The following ATXN1 variants were observed in gnomAD, a reference collection of about 807,000 sequenced individuals.
ATXN1 encodes ataxin-1.
In ATXN1, 8 loss-of-function variants were observed where a neutral mutation model predicts 56.4. The ratio of observed to expected loss-of-function variants is 0.14; its 90% CI spans 0.08 to 0.26. The LOEUF (loss-of-function observed/expected upper bound fraction) is 0.26. Among genes scored for constraint, ATXN1 ranks in the 10% least tolerant of loss-of-function variants. The pLI is 1.00. For synonymous variants in ATXN1, 514 were observed against 494.6 expected, an observed-to-expected ratio of 1.04 and a Z score of -0.52; for missense variants, 987 against 1,106.5, an observed-to-expected ratio of 0.89 and a Z score of 1.53.
intron 5 of ATXN1, among the ~76,000 whole-genome samples, chr6:16,495,355 C>T (rs142421640): frequency 7.9e-5 from 12 of 152,130 alleles, no homozygotes; most frequent in Admixed American, 1.3e-4. Flanking sequence ...AAGTACCAAA[C>T]GGGGAGTGAA....
intron 7 of ATXN1, among the ~76,000 whole-genome samples, chr6:16,324,995 A>C (rs1449038637): frequency 6.6e-6 from 1 of 152,156 alleles, no homozygotes; most frequent in East Asian, 1.9e-4. Flanking sequence ...TTTTATATGC[A>C]AACCAACCAG....
chr6:16,603,366 A>T (rs1436783855), intron 3 of ATXN1, among the ~76,000 whole-genome samples: 1 of 152,170 alleles, frequency 6.6e-6, no homozygotes, highest in Non-Finnish European at 1.5e-5. Flanking sequence ...ATGCAGTACC[A>T]TTCCTCACTG....
rs1404771563 is a variant in ATXN1, at chr6:16,303,495, GA to G, written c.*2833del. ...ACCAAACAAGGAAAAAGCCAAAAGG[GA>G]ATGAGCTTTAACTATATAGCACACT... On this transcript the variant is annotated 3_prime_UTR_variant, in exon 8 of 8. Coordinates refer to ENST00000436367, the MANE Select transcript of ATXN1 (RefSeq NM_001128164.2). The surrounding 1 kb of genome is among the most constrained non-coding windows in gnomAD (Gnocchi z 4.3). 1 of 152,800 alleles carries G rather than the reference GA, an allele frequency of 6.5e-6. No individual in the cohort carries two copies. The highest frequency in any genetic ancestry group is 1.5e-5 in the Non-Finnish European group (1 of 68,146). The allele number at this position is 152,800 out of a possible 1,614,324, so 9.5% of individuals were successfully genotyped here. A position where few individuals can be genotyped will look rare whatever the true frequency, so the allele number is the denominator to read the frequency against.
chr6:16,476,377 G>A (rs749589894), intron 6 of ATXN1, among the ~76,000 whole-genome samples: 9 of 152,194 alleles, frequency 5.9e-5, no homozygotes, highest in Non-Finnish European at 1.2e-4. Context: ...CAAACCCAGA[G>A]AAGAATTTGA....
At chr6:16,488,763 C>CA (rs1760599978) in intron 5 of ATXN1, among the ~76,000 whole-genome samples, 1 of 152,076 alleles carries the variant, frequency 6.6e-6, no homozygotes, top group Non-Finnish European at 1.5e-5. Flanking sequence ...TTAAAATGTC[C>CA]AAGATAAAAT....
intron 6 of ATXN1, among the ~76,000 whole-genome samples, chr6:16,425,119 T>C (rs1390197324): frequency 3.3e-5 from 5 of 152,206 alleles, no homozygotes; most frequent in Non-Finnish European, 7.3e-5. Flanking sequence ...GATCTCTTAG[T>C]TCTTTCATAT....
chr6:16,512,124 G>A (rs918822654), intron 5 of ATXN1, among the ~76,000 whole-genome samples: 10 of 152,314 alleles, frequency 6.6e-5, no homozygotes, highest in Middle Eastern at 3.4e-3. Context: ...TCCATTCAGC[G>A]TCAGGGTGAT....
At chr6:16,679,436 A>G (rs1213147079) in intron 2 of ATXN1, among the ~76,000 whole-genome samples, 14 of 152,094 alleles carry the variant, frequency 9.2e-5, no homozygotes, top group African/African-American at 3.1e-4. Flanking sequence ...GGAAGGAAAA[A>G]AGGGAGAAAG....
rs371849968 is a variant in ATXN1, at chr6:16,606,629, A to G, written c.-488-20722T>C. Among the ~76,000 whole-genome samples, 110 of 151,744 alleles carry G rather than the reference A, an allele frequency of 7.2e-4. 1 individual carries two copies. The Middle Eastern group carries it at 0.01, about 14-fold the overall frequency. On this transcript the variant is annotated intron_variant, in intron 3 of 7. Transcript: ENST00000436367. ...CTGTGACCTCCGACTCCTGGGTTCA[A>G]GTGATTCTCCTGCCTCAGCCTCCCA...
intron 5 of ATXN1, among the ~76,000 whole-genome samples, chr6:16,497,222 G>T (rs1215508453): frequency 6.6e-6 from 1 of 151,998 alleles, no homozygotes; most frequent in East Asian, 1.9e-4. Flanking sequence ...GTTGTGTGTG[G>T]GAGGACAGAA....
At position 16,459,461 on chromosome 6, in the gene ATXN1, G is replaced by A. The variant is rs933206724; in HGVS notation, c.-161+26511C>T. On this transcript the variant is annotated intron_variant, in intron 6 of 7. Transcript: ENST00000436367. ...CCCCTGCAACACCCCAATTCTAGGA[G>A]TACAAAAACTGAATCGTCAGTGGAG... is the stretch of plus-strand genomic sequence containing the variant. Among the ~76,000 whole-genome samples the A allele has an allele frequency of 2.6e-5, 4 of 152,310 alleles. No homozygotes were observed. The South Asian group carries it at 6.2e-4, about 24-fold the overall frequency.
chr6:16,403,740 A>G (rs1375999024), intron 6 of ATXN1, among the ~76,000 whole-genome samples: 1 of 152,020 alleles, frequency 6.6e-6, no homozygotes, highest in African/African-American at 2.4e-5. Context: ...ATCTTCTTCT[A>G]CCTCCAAAAC....
chr6:16,592,749 T>C (rs1206469847), intron 3 of ATXN1, among the ~76,000 whole-genome samples: 2 of 151,946 alleles, frequency 1.3e-5, no homozygotes, highest in African/African-American at 4.8e-5. Flanking sequence ...GTTACAGCTC[T>C]TAAAGATGGC....
At chr6:16,636,481 G>A (rs1314290305) in intron 3 of ATXN1, among the ~76,000 whole-genome samples, 1 of 152,152 alleles carries the variant, frequency 6.6e-6, no homozygotes, top group Non-Finnish European at 1.5e-5. Context: ...CATGTCTTGA[G>A]TAGGACAAAG....
chr6:16,524,921 A>G (rs145613649), intron 4 of ATXN1, among the ~76,000 whole-genome samples: 121 of 152,290 alleles, frequency 7.9e-4, no homozygotes, highest in African/African-American at 2.7e-3. Flanking sequence ...GCATGGTGGC[A>G]TGCACCTGTA....
chr6:16,629,193 T>G (rs1330651072), intron 3 of ATXN1, among the ~76,000 whole-genome samples: 1 of 152,220 alleles, frequency 6.6e-6, no homozygotes, highest in African/African-American at 2.4e-5. Context: ...AGTATCTCAT[T>G]GTGCTTTTGA....
chr6:16,343,355 T>C (rs190645214), intron 6 of ATXN1, among the ~76,000 whole-genome samples: 102 of 152,056 alleles, frequency 6.7e-4, no homozygotes, highest in African/African-American at 2.3e-3. Context: ...AATAAATAAA[T>C]AAATAAATAT....
chr6:16,388,591 G>C (rs1466788002), intron 6 of ATXN1, among the ~76,000 whole-genome samples: 1 of 152,172 alleles, frequency 6.6e-6, no homozygotes, highest in Non-Finnish European at 1.5e-5. Flanking sequence ...TCACAGTTGG[G>C]AACTTCACAT....
intron 4 of ATXN1, among the ~76,000 whole-genome samples, chr6:16,560,054 C>T (rs1446912800): frequency 6.6e-6 from 1 of 152,034 alleles, no homozygotes; most frequent in African/African-American, 2.4e-5. Flanking sequence ...TCAAATTTGC[C>T]CTCTGTTGTA....
Sources: allele counts gnomAD v4.1 joint callset (sites outside exome capture counted in the v4.1 genomes callset), GRCh38; gene constraint gnomAD v4.1.1; non-coding constraint Gnocchi (gnomAD v3.1); transcripts MANE v1.5; gene names NCBI Gene and HGNC (gene_info 2026-07-23, HGNC 2026-07-21).